Variants in MRRF observed in about 807,000 individuals in gnomAD.
MRRF encodes mitochondrial ribosome recycling factor.
Under a neutral mutation model 25.1 loss-of-function variants are expected in MRRF, and 18 were observed. The ratio of observed to expected loss-of-function variants is 0.72; its 90% CI spans 0.50 to 1.06. MRRF has a LOEUF of 1.06. MRRF is among the 50% of genes least tolerant of loss of function. The probability of loss-of-function intolerance (pLI) is 0.00; values close to 1 mark genes in which losing one functional copy is unlikely to be tolerated. For synonymous variants in MRRF, 113 were observed against 112.1 expected, an observed-to-expected ratio of 1.01 and a Z score of -0.05; for missense variants, 323 against 319.3, an observed-to-expected ratio of 1.01 and a Z score of -0.09.
Position 122,322,599 on chromosome 9 carries a change from C to T in MRRF, c.771C>T (p.Thr257=), listed in dbSNP as rs1835957865. 2.5e-6 allele frequency: 4 copies of T among 1,614,072 alleles called. No homozygotes were observed. The highest frequency in any genetic ancestry group is 2.2e-5 in the East Asian group (1 of 44,864). ...AELDRHLAVK[T]KELLG ...TGGACAGGCATCTGGCAGTGAAGAC[C>T]AAAGAACTCCTTGGATGAAAGTCCA... is the stretch of plus-strand genomic sequence containing the variant. Residue 257 remains threonine, a synonymous_variant, in exon 7 of 7, where the codon ACC becomes ACT. Coordinates refer to ENST00000344641, the MANE Select transcript of MRRF (RefSeq NM_138777.5).
At chr9:122,307,352 G>A (rs1020797024) in intron 5 of MRRF, among the ~76,000 whole-genome samples, 1 of 152,182 alleles carries the variant, frequency 6.6e-6, no homozygotes, top group Non-Finnish European at 1.5e-5. Flanking sequence ...GCTCCCCACA[G>A]CTGCTGGAGC....
At chr9:122,297,933 C>T (rs541360331) in intron 5 of MRRF, among the ~76,000 whole-genome samples, 10 of 152,210 alleles carry the variant, frequency 6.6e-5, no homozygotes, top group South Asian at 6.2e-4. Context: ...GCTCACTGTA[C>T]GGCAATAATA....
rs1324510359 is a variant in MRRF at position 122,320,166 on chromosome 9, A to G, written c.712-2374A>G. Among the ~76,000 whole-genome samples, 8 of 152,048 alleles carry G rather than the reference A, an allele frequency of 5.3e-5. 1 individual carries two copies. The South Asian group carries it at 1.5e-3, about 28-fold the overall frequency. ...TAGGATAACAGGTGTGAGCCACCAC[A>G]CCTGCCCTTTTTCATTAATTAATTG... On this transcript the variant is annotated intron_variant, in intron 6 of 6. Coordinates refer to ENST00000344641, the MANE Select transcript of MRRF (RefSeq NM_138777.5).
chr9:122,273,250 C>A (rs1001646043), intron 2 of MRRF, among the ~76,000 whole-genome samples: 1 of 151,900 alleles, frequency 6.6e-6, no homozygotes, highest in Non-Finnish European at 1.5e-5. Context: ...TCAGGAGTTC[C>A]GACCAGCCTG....
At chr9:122,300,800 A>G (rs1256365987) in intron 5 of MRRF, among the ~76,000 whole-genome samples, 2 of 152,172 alleles carry the variant, frequency 1.3e-5, no homozygotes. Context: ...TTGCTTGGGC[A>G]TACTGTAGTT....
In MRRF at chr9:122,301,800, C is replaced by G. The variant is rs193056912; in HGVS notation, c.551+9960C>G. On this transcript the variant is annotated intron_variant, in intron 5 of 6. Coordinates refer to ENST00000344641, the MANE Select transcript of MRRF (RefSeq NM_138777.5). ...CCAGGCTGGAGTGCAGTGGCATGAT[C>G]TCGGCTCACTGCAACCTCCACCTCC... Among the ~76,000 whole-genome samples the G allele has an allele frequency of 3.6e-4, 54 of 151,204 alleles. 2 individuals are homozygous for G. Among genetic ancestry groups the G allele is most frequent in the Non-Finnish European group, 2.1e-4 (14 of 67,910 alleles).
intron 2 of MRRF, among the ~76,000 whole-genome samples, chr9:122,279,220 G>A (rs1360234808): frequency 6.6e-6 from 1 of 152,148 alleles, no homozygotes; most frequent in African/African-American, 2.4e-5. Flanking sequence ...TGGTTTCAAA[G>A]CATAATGGTA....
chr9:122,297,807 T>C (rs184332729), intron 5 of MRRF, among the ~76,000 whole-genome samples: 36 of 152,282 alleles, frequency 2.4e-4, no homozygotes, highest in Admixed American at 2.0e-3. Flanking sequence ...GACATGGACA[T>C]TTCAGGGCCA....
At chr9:122,306,918 G>A (rs1178257341) in intron 5 of MRRF, among the ~76,000 whole-genome samples, 1 of 152,168 alleles carries the variant, frequency 6.6e-6, no homozygotes, top group African/African-American at 2.4e-5. Context: ...GAAAGCAGGT[G>A]CCCAGTTGTG....
At chr9:122,271,172 C>G (rs1384834351) in intron 2 of MRRF, 97 bp downstream of exon 2, 1 of 1,066,060 alleles carries the variant, frequency 9.4e-7, no homozygotes, top group Non-Finnish European at 1.5e-6. Context: ...GAATTTCTCC[C>G]CTTGCTAACA....
intron 4 of MRRF, among the ~76,000 whole-genome samples, chr9:122,289,427 G>A (rs1018720358): frequency 6.6e-6 from 1 of 152,108 alleles, no homozygotes; most frequent in Non-Finnish European, 1.5e-5. Context: ...GTAGGGGAAG[G>A]TTGTATGGAA....
At chr9:122,322,476 A>G (rs2119024732) in intron 6 of MRRF, 64 bp from the exon 7 acceptor site, 2 of 1,414,338 alleles carry the variant, frequency 1.4e-6, no homozygotes, top group Non-Finnish European at 1.0e-6. Flanking sequence ...TGTTTCTGGA[A>G]TATTCATCCC....
Position 122,270,937 on chromosome 9 carries a change from C to A in MRRF, c.46C>A (p.Arg16Ser). The A allele has an allele frequency of 6.2e-7, 1 of 1,614,170 alleles. No individual in the cohort carries two copies. The highest frequency in any genetic ancestry group is 8.5e-7 in the Non-Finnish European group (1 of 1,179,998). Residue 16 changes from arginine to serine, a missense_variant, in exon 2 of 7, where the codon CGC becomes AGC. Transcript: ENST00000344641. ...CTTCCGCATGGTCCACCCTACCTTTCGCAATTATCTTGCAGCCTCTATCAG... is the reference window on the plus strand; with the variant it reads ...CTTCCGCATGGTCCACCCTACCTTTAGCAATTATCTTGCAGCCTCTATCAG... ...KCFRMVHPTFRNYLAASIRPV... is the reference protein window; with the variant it reads ...KCFRMVHPTFSNYLAASIRPV...
intron 1 of MRRF, among the ~76,000 whole-genome samples, chr9:122,268,039 T>A (rs1832225591): frequency 6.6e-6 from 1 of 152,238 alleles, no homozygotes; most frequent in Non-Finnish European, 1.5e-5. Flanking sequence ...GGCTCATACT[T>A]GGGATCTCAA....
At chr9:122,288,159 G>C (rs1833527468) in intron 4 of MRRF, among the ~76,000 whole-genome samples, 1 of 152,016 alleles carries the variant, frequency 6.6e-6, no homozygotes, top group South Asian at 2.1e-4. Flanking sequence ...CCATAAACTT[G>C]CCTGCAGCTA....
intron 4 of MRRF, among the ~76,000 whole-genome samples, chr9:122,288,117 G>A (rs1231693503): frequency 3.9e-5 from 6 of 152,128 alleles, no homozygotes; most frequent in Non-Finnish European, 8.8e-5. Flanking sequence ...CATGTGTCCT[G>A]CTTGATAAAT....
At chr9:122,310,235 C>T (rs917177414) in intron 5 of MRRF, among the ~76,000 whole-genome samples, 6 of 152,144 alleles carry the variant, frequency 3.9e-5, no homozygotes, top group Admixed American at 1.3e-4. Context: ...GAAGTGGGGT[C>T]GGATCTGAGT....
intron 4 of MRRF, among the ~76,000 whole-genome samples, chr9:122,291,433 T>C (rs1448983043): frequency 6.6e-6 from 1 of 152,194 alleles, no homozygotes; most frequent in African/African-American, 2.4e-5. Context: ...CCAGCCCCCC[T>C]CCCTTGAGGA....
At chr9:122,275,676 A>G (rs185275552) in intron 2 of MRRF, among the ~76,000 whole-genome samples, 134 of 152,276 alleles carry the variant, frequency 8.8e-4, no homozygotes, top group Middle Eastern at 3.4e-3. Flanking sequence ...GATTCTGCAT[A>G]CAAGTATAAT....
Sources: gnomAD v4.1 joint callset for allele counts (sites outside exome capture counted in the v4.1 genomes callset) on GRCh38, gnomAD v4.1.1 for gene constraint, MANE v1.5 for transcripts, NCBI Gene and HGNC (gene_info 2026-07-23, HGNC 2026-07-21) for gene names.